The following RALYL variants were observed in gnomAD, a reference collection of about 807,000 sequenced individuals.
RALYL encodes the protein RNA-binding Raly-like protein.
RALYL carries 29 observed loss-of-function variants against 35.1 expected under a neutral mutation model. The observed-to-expected ratio is 0.83, with a 90% CI of 0.61 to 1.13. The LOEUF (loss-of-function observed/expected upper bound fraction) is 1.13, where lower values mean the gene tolerates loss of function less well. Among genes scored for constraint, RALYL ranks in the 50% most tolerant of loss-of-function variants. The probability of loss-of-function intolerance (pLI) is 0.00; values close to 1 mark genes in which losing one functional copy is unlikely to be tolerated. For missense variants in RALYL, 359 were observed against 360.4 expected (o/e 1.00, Z 0.03); for synonymous variants, 120 against 127.6 (o/e 0.94, Z 0.40).
chr8:84,494,346 C>T (rs538577861), intron 1 of RALYL, among the ~76,000 whole-genome samples: 1 of 152,178 alleles, frequency 6.6e-6, no homozygotes, highest in Admixed American at 6.6e-5. Flanking sequence ...ATGATGCCTC[C>T]AGATTTGTTC....
intron 2 of RALYL, among the ~76,000 whole-genome samples, chr8:84,593,529 C>A (rs1448785814): frequency 6.6e-6 from 1 of 152,072 alleles, no homozygotes; most frequent in African/African-American, 2.4e-5. Context: ...AACAGGGTAT[C>A]ATATGAAATA....
At chr8:84,804,502 G>A (rs1395294545) in intron 3 of RALYL, among the ~76,000 whole-genome samples, 1 of 152,118 alleles carries the variant, frequency 6.6e-6, no homozygotes, top group African/African-American at 2.4e-5. Context: ...ATCAGAATTA[G>A]ATTAATACTA....
intron 1 of RALYL, among the ~76,000 whole-genome samples, chr8:84,497,314 A>G (rs535184544): frequency 6.6e-6 from 1 of 152,292 alleles, no homozygotes; most frequent in East Asian, 1.9e-4. Flanking sequence ...AAACTGGAGC[A>G]AAGTGTGACT....
chr8:84,770,383 T>C (rs1815133662), intron 2 of RALYL, among the ~76,000 whole-genome samples: 1 of 152,108 alleles, frequency 6.6e-6, no homozygotes, highest in Non-Finnish European at 1.5e-5. Context: ...ATTTGTTCCT[T>C]TTTATGGCTG....
chr8:84,253,619 G>T (rs1003222679), intron 1 of RALYL, among the ~76,000 whole-genome samples: 1 of 152,070 alleles, frequency 6.6e-6, no homozygotes, highest in African/African-American at 2.4e-5. Context: ...CCGGGGTGCT[G>T]TTACAGTTCT....
intron 1 of RALYL, among the ~76,000 whole-genome samples, chr8:84,274,050 A>AT (rs1377033875): frequency 1.3e-5 from 2 of 152,050 alleles, no homozygotes; most frequent in East Asian, 1.9e-4. Context: ...CAAAAAACAC[A>AT]TTTTTTTCAT....
At chr8:84,233,105 C>T (rs915465298) in intron 1 of RALYL, among the ~76,000 whole-genome samples, 7 of 152,164 alleles carry the variant, frequency 4.6e-5, no homozygotes, top group African/African-American at 1.7e-4. Context: ...GCCTTAGCCT[C>T]CCAAACAGCT....
chr8:84,580,956 C>G (rs1451228583), intron 2 of RALYL, among the ~76,000 whole-genome samples: 1 of 152,120 alleles, frequency 6.6e-6, no homozygotes, highest in Non-Finnish European at 1.5e-5. Context: ...CTTCTGGAAT[C>G]TTGTTCACTC....
chr8:84,477,883 A>G (rs2053604382), intron 1 of RALYL, among the ~76,000 whole-genome samples: 1 of 152,032 alleles, frequency 6.6e-6, no homozygotes, highest in African/African-American at 2.4e-5. Context: ...TGAAAATTGT[A>G]TCAAACCATG....
intron 2 of RALYL, among the ~76,000 whole-genome samples, chr8:84,690,134 AT>A (rs1194629737): frequency 1.7e-4 from 26 of 152,272 alleles, no homozygotes; most frequent in Non-Finnish European, 2.9e-4. Context: ...CTAAGTTTCC[AT>A]CAGCGAATGA....
intron 2 of RALYL, among the ~76,000 whole-genome samples, chr8:84,627,105 G>C (rs558414223): frequency 6.6e-6 from 1 of 151,916 alleles, no homozygotes; most frequent in Admixed American, 6.6e-5. Context: ...CTGTTACAAC[G>C]CTTTTAAATT....
At chr8:84,520,270 T>C (rs1413424795) in intron 1 of RALYL, among the ~76,000 whole-genome samples, 6 of 152,206 alleles carry the variant, frequency 3.9e-5, no homozygotes, top group Non-Finnish European at 7.3e-5. Context: ...AGCTTTGTTT[T>C]GCAGAGGAAA....
intron 2 of RALYL, among the ~76,000 whole-genome samples, chr8:84,755,836 A>G (rs1263578274): frequency 6.6e-6 from 1 of 151,786 alleles, no homozygotes; most frequent in East Asian, 1.9e-4. Flanking sequence ...TTGTAACTTG[A>G]CAGCTATTAT....
chr8:84,579,817 A>G (rs1033745037), intron 2 of RALYL, among the ~76,000 whole-genome samples: 5 of 152,208 alleles, frequency 3.3e-5, no homozygotes, highest in Admixed American at 1.3e-4. Flanking sequence ...AGATAAAATA[A>G]TGGTCAGTCT....
chr8:84,503,050 A>G (rs1193111694), intron 1 of RALYL, among the ~76,000 whole-genome samples: 1 of 152,138 alleles, frequency 6.6e-6, no homozygotes, highest in Admixed American at 6.6e-5. Flanking sequence ...TTGGCACGGG[A>G]ATAGAGAAAA....
chr8:84,604,141 C>T (rs938512254), intron 2 of RALYL, among the ~76,000 whole-genome samples: 9 of 152,138 alleles, frequency 5.9e-5, no homozygotes, highest in East Asian at 1.9e-4. Context: ...AAATTGAGTG[C>T]GCTTCTGACA....
At chr8:84,894,465 T>C (rs976387811) in intron 8 of RALYL, among the ~76,000 whole-genome samples, 2 of 152,178 alleles carry the variant, frequency 1.3e-5, no homozygotes, top group African/African-American at 2.4e-5. Context: ...CATCATATGC[T>C]ATCTTCCCTG....
At chr8:84,397,292 T>C (rs2042440635) in intron 1 of RALYL, among the ~76,000 whole-genome samples, 1 of 152,226 alleles carries the variant, frequency 6.6e-6, no homozygotes. Context: ...CCTCCAGAAC[T>C]GTAGAAAATA....
intron 1 of RALYL, among the ~76,000 whole-genome samples, chr8:84,276,418 T>G (rs2132018101): frequency 6.6e-6 from 1 of 152,344 alleles, no homozygotes; most frequent in South Asian, 2.1e-4. Context: ...TCCAGTAATC[T>G]TTATTATTTT....
Sources: allele counts gnomAD v4.1 joint callset (sites outside exome capture counted in the v4.1 genomes callset), GRCh38; gene constraint gnomAD v4.1.1; transcripts MANE v1.5; gene names NCBI Gene and HGNC (gene_info 2026-07-23, HGNC 2026-07-21).